Variants in USP24 observed in about 807,000 individuals in gnomAD.
The protein encoded by USP24 is ubiquitin carboxyl-terminal hydrolase 24.
A neutral mutation model predicts 361.6 loss-of-function variants in USP24; 97 were observed. That is an observed-to-expected ratio of 0.27 (90% CI 0.23 to 0.32). The LOEUF (loss-of-function observed/expected upper bound fraction) is 0.32. USP24 is among the 10% of genes least tolerant of loss of function. The pLI is 1.00. For synonymous variants in USP24, 1,098 were observed against 1,124.6 expected, an observed-to-expected ratio of 0.98 and a Z score of 0.47; for missense variants, 2,353 against 3,165.6, an observed-to-expected ratio of 0.74 and a Z score of 6.16.
chr1:55,193,722 G>GT lies in USP24; in HGVS notation c.325-15591dup, dbSNP rs138663454. 5.2e-4 allele frequency among the ~76,000 whole-genome samples: 79 copies of GT among 152,272 alleles called. 1 individual carries two copies. The highest frequency in any genetic ancestry group is 1.8e-3 in the African/African-American group (75 of 41,546). On this transcript the variant is annotated intron_variant, in intron 1 of 67. Transcript: ENST00000294383. ...CTGCTACATGTCAGGAACAGCACTA[G>GT]TAACTATGGAAAAGTGTACATATAT... is the stretch of plus-strand genomic sequence containing the variant.
In USP24 at chr1:55,157,237, A is replaced by G. The variant is rs916643795; in HGVS notation, c.1342+19T>C. The G allele has an allele frequency of 3.9e-6, 6 of 1,543,846 alleles. No homozygotes were observed. Among genetic ancestry groups the G allele is most frequent in the South Asian group, 1.2e-5 (1 of 83,020 alleles). ...TTAAATTATGTGTTAGGTAATTTTT[A>G]TTTTTGAAAGCAACTTACCTTCCAG... On this transcript the variant is annotated intron_variant, in intron 11 of 67. Coordinates refer to ENST00000294383, the MANE Select transcript of USP24 (RefSeq NM_015306.3).
chr1:55,079,777 C>A, intron 59 of USP24, 118 bp from the exon 60 acceptor site: 3 of 1,318,878 alleles, frequency 2.3e-6, no homozygotes, highest in Admixed American at 3.2e-5. Flanking sequence ...AGTACTCTCA[C>A]AGAGTACTCA....
At chr1:55,080,063 T>C (rs980865061) in intron 59 of USP24, among the ~76,000 whole-genome samples, 1 of 152,206 alleles carries the variant, frequency 6.6e-6, no homozygotes, top group Admixed American at 6.5e-5. Flanking sequence ...TGCCGAAAGC[T>C]GCCACTGAAG....
At chr1:55,182,240 C>CG (rs1310216520) in intron 1 of USP24, among the ~76,000 whole-genome samples, 1 of 152,012 alleles carries the variant, frequency 6.6e-6, no homozygotes, top group Non-Finnish European at 1.5e-5. Flanking sequence ...TTAGTAGAGA[C>CG]GGGGTTTCAC....
At chr1:55,171,792 T>C (rs1649476900) in intron 4 of USP24, 114 bp from the exon 5 acceptor site, 4 of 1,182,582 alleles carry the variant, frequency 3.4e-6, no homozygotes, top group Non-Finnish European at 4.7e-6. Context: ...ATGGGATCTT[T>C]CAAGAATACA....
At chr1:55,143,807 G>A (rs948541372) in intron 21 of USP24, among the ~76,000 whole-genome samples, 2 of 152,004 alleles carry the variant, frequency 1.3e-5, no homozygotes, top group African/African-American at 2.4e-5. Flanking sequence ...TGAGGAGTTC[G>A]AAGCTTAGGT....
intron 1 of USP24, among the ~76,000 whole-genome samples, chr1:55,201,880 G>A (rs989862507): frequency 2.0e-5 from 3 of 152,124 alleles, no homozygotes; most frequent in African/African-American, 7.2e-5. Flanking sequence ...TAAGGAAGGA[G>A]ATGTTCCTAC....
intron 34 of USP24, 112 bp downstream of exon 34, chr1:55,125,208 T>C: frequency 7.0e-6 from 7 of 1,004,658 alleles, no homozygotes; most frequent in South Asian, 1.6e-5. Flanking sequence ...CATAAATTTC[T>C]TGAAGGCAAT....
At chr1:55,125,044 A>C (rs1646387496) in intron 34 of USP24, among the ~76,000 whole-genome samples, 1 of 152,168 alleles carries the variant, frequency 6.6e-6, no homozygotes, top group African/African-American at 2.4e-5. Context: ...TGCCATCTAT[A>C]ACATAAAATC....
chr1:55,124,972 A>T (rs1393753769), intron 34 of USP24, among the ~76,000 whole-genome samples: 1 of 151,894 alleles, frequency 6.6e-6, no homozygotes, highest in Non-Finnish European at 1.5e-5. Context: ...CCTTTCTCCA[A>T]CTTTCTAAGT....
chr1:55,192,878 G>A (rs1644325890), intron 1 of USP24, among the ~76,000 whole-genome samples: 1 of 152,168 alleles, frequency 6.6e-6, no homozygotes, highest in Non-Finnish European at 1.5e-5. Flanking sequence ...GTTATGAGTA[G>A]TAAATAACTT....
At chr1:55,138,543 C>A in intron 26 of USP24, 65 bp downstream of exon 26, 1 of 1,217,668 alleles carries the variant, frequency 8.2e-7, no homozygotes. Flanking sequence ...CTAACTCAAT[C>A]AAGACTGCTT....
At chr1:55,138,473 T>C (rs1018370992) in intron 26 of USP24, 135 bp downstream of exon 26, 20 of 591,316 alleles carry the variant, frequency 3.4e-5, no homozygotes, top group Non-Finnish European at 5.6e-5. Flanking sequence ...CACAGTTTCA[T>C]TTCAGGTCTT....
intron 43 of USP24, 72 bp from the exon 44 acceptor site, chr1:55,101,036 T>C (rs1645621333): frequency 1.3e-6 from 2 of 1,515,848 alleles, no homozygotes; most frequent in Non-Finnish European, 8.8e-7. Flanking sequence ...CATATGTACA[T>C]GTTAGTACCC....
intron 38 of USP24, among the ~76,000 whole-genome samples, chr1:55,115,199 T>C (rs1646071090): frequency 6.6e-6 from 1 of 151,990 alleles, no homozygotes; most frequent in Non-Finnish European, 1.5e-5. Context: ...TCTTACATGG[T>C]ATCTTACATA....
At chr1:55,153,745 T>A in intron 16 of USP24, 125 bp downstream of exon 16, 1 of 1,101,498 alleles carries the variant, frequency 9.1e-7, no homozygotes, top group Non-Finnish European at 1.3e-6. Context: ...TTTTTAGACA[T>A]CAAGTTTAAT....
At chr1:55,169,315 G>A (rs1649213480) in intron 5 of USP24, among the ~76,000 whole-genome samples, 1 of 152,104 alleles carries the variant, frequency 6.6e-6, no homozygotes. Context: ...GTGAAAAGGT[G>A]TTAAGGGTCA....
At chr1:55,186,625 A>G (rs1037455583) in intron 1 of USP24, among the ~76,000 whole-genome samples, 2 of 152,246 alleles carry the variant, frequency 1.3e-5, no homozygotes, top group South Asian at 4.1e-4. Context: ...AACATGGAAG[A>G]TCTTGAAGAT....
At chr1:55,077,730 T>G (rs571615810) in intron 61 of USP24, among the ~76,000 whole-genome samples, 1 of 152,238 alleles carries the variant, frequency 6.6e-6, no homozygotes, top group Admixed American at 6.5e-5. Flanking sequence ...CAAGATATAC[T>G]AAGTGAAGAA....
Sources: allele counts gnomAD v4.1 joint callset (sites outside exome capture counted in the v4.1 genomes callset), GRCh38; gene constraint gnomAD v4.1.1; transcripts MANE v1.5; gene names NCBI Gene and HGNC (gene_info 2026-07-23, HGNC 2026-07-21).